Variants in EHMT1 observed in about 807,000 individuals in gnomAD.
The protein encoded by EHMT1 is euchromatic histone lysine methyltransferase 1.
A neutral mutation model predicts 147.2 loss-of-function variants in EHMT1; 15 were observed. The ratio of observed to expected loss-of-function variants is 0.10; its 90% CI spans 0.07 to 0.16. The LOEUF (loss-of-function observed/expected upper bound fraction) is 0.16, where lower values mean the gene tolerates loss of function less well. EHMT1 is among the 10% of genes least tolerant of loss of function. The pLI is 1.00. For synonymous variants in EHMT1, 795 were observed against 709.6 expected (o/e 1.12, Z -1.91); for missense variants, 1,587 against 1,772.4 (o/e 0.90, Z 1.88).
At chr9:137,656,177 A>C (rs1938424068) in intron 1 of EHMT1, among the ~76,000 whole-genome samples, 1 of 152,124 alleles carries the variant, frequency 6.6e-6, no homozygotes, top group African/African-American at 2.4e-5. Context: ...GTCAGGAGTT[A>C]GAGACCAGCC....
chr9:137,704,779 C>T (rs1382163106), intron 1 of EHMT1, among the ~76,000 whole-genome samples: 1 of 150,186 alleles, frequency 6.7e-6, no homozygotes, highest in African/African-American at 2.5e-5. Flanking sequence ...TTCCCTCCCT[C>T]CCGCCTGCCT....
At chr9:137,682,735 C>T (rs974519740) in intron 1 of EHMT1, among the ~76,000 whole-genome samples, 2 of 152,208 alleles carry the variant, frequency 1.3e-5, no homozygotes, top group Non-Finnish European at 1.5e-5. Flanking sequence ...CATATCCAAC[C>T]CCCTGAGGAT....
intron 3 of EHMT1, among the ~76,000 whole-genome samples, chr9:137,722,386 C>T (rs1205016484): frequency 6.6e-6 from 1 of 152,240 alleles, no homozygotes; most frequent in Non-Finnish European, 1.5e-5. Context: ...TGAACATTCA[C>T]AGGCTGGTCT....
At chr9:137,769,535 C>A (rs1178665750) in intron 10 of EHMT1, among the ~76,000 whole-genome samples, 2 of 152,116 alleles carry the variant, frequency 1.3e-5, no homozygotes, top group African/African-American at 4.8e-5. Context: ...TTCCCCACCC[C>A]CCAGCCCTTA....
In EHMT1 at chr9:137,781,161, AGACGTGTGGTGATGACGCTGG is replaced by A. The variant is rs1564748584; in HGVS notation, c.2276-1117_2276-1097del. ...ACTGAGACGTGTGGTGATGACGCTG[AGACGTGTGGTGATGACGCTGG>A]GACGTGTGGTGACGACGCTGAGACG... On this transcript the variant is annotated intron_variant, in intron 14 of 26. Coordinates refer to ENST00000460843, the MANE Select transcript of EHMT1 (RefSeq NM_024757.5). 6.7e-3 allele frequency among the ~76,000 whole-genome samples: 327 copies of A among 48,656 alleles called. 63 individuals carry two copies. Among genetic ancestry groups the A allele is most frequent in the South Asian group, 0.016 (22 of 1,380 alleles). The allele number at this position is 48,656 out of a possible 152,430, so 31.9% of individuals were successfully genotyped here. A position where few individuals can be genotyped will look rare whatever the true frequency, so the allele number is the denominator to read the frequency against.
At chr9:137,781,032 CGT>C (rs1951431249) in intron 14 of EHMT1, among the ~76,000 whole-genome samples, 1 of 130,204 alleles carries the variant, frequency 7.7e-6, no homozygotes, top group African/African-American at 3.2e-5. Flanking sequence ...GACGCCGAGA[CGT>C]GTGGTGATGA....
At chr9:137,716,576 C>T (rs771643044) in intron 2 of EHMT1, 50 bp from the exon 3 acceptor site, 1 of 1,506,436 alleles carries the variant, frequency 6.6e-7, no homozygotes, top group South Asian at 1.3e-5. Context: ...GGTGGTGGTG[C>T]CATGGAGAGC....
At chr9:137,651,333 TC>T (rs1937791985) in intron 1 of EHMT1, among the ~76,000 whole-genome samples, 1 of 152,242 alleles carries the variant, frequency 6.6e-6, no homozygotes, top group Admixed American at 6.5e-5. Context: ...CTTTTGAAAT[TC>T]AAGATTATGA....
At chr9:137,804,934 G>A (rs1370449086) in intron 18 of EHMT1, among the ~76,000 whole-genome samples, 2 of 152,184 alleles carry the variant, frequency 1.3e-5, no homozygotes, top group Non-Finnish European at 2.9e-5. Context: ...TCATTTGCAT[G>A]TCTGTCAGTC....
At chr9:137,814,952 G>A (rs1954802893) in intron 22 of EHMT1, 1 of 295,150 alleles carries the variant, frequency 3.4e-6, no homozygotes, top group East Asian at 8.5e-5. Flanking sequence ...TTTCTGTTGG[G>A]TGCTGGTCCT....
intron 1 of EHMT1, among the ~76,000 whole-genome samples, chr9:137,627,559 C>T (rs1843345142): frequency 1.4e-5 from 2 of 142,508 alleles, no homozygotes; most frequent in East Asian, 1.9e-4. Flanking sequence ...GCCGCTGCGC[C>T]CGTGATTTGC....
At chr9:137,621,235 T>C (rs970294946) in intron 1 of EHMT1, among the ~76,000 whole-genome samples, 3 of 152,222 alleles carry the variant, frequency 2.0e-5, no homozygotes, top group Non-Finnish European at 4.4e-5. Flanking sequence ...TCTGGCCTTC[T>C]GGACAGTAGG....
At chr9:137,637,603 T>G (rs1009624064) in intron 1 of EHMT1, 1 of 152,288 alleles carries the variant, frequency 6.6e-6, no homozygotes, top group African/African-American at 2.4e-5. Context: ...TACTTCAGCC[T>G]CCTGAGTAGC....
chr9:137,787,848 G>A lies in EHMT1; in HGVS notation c.2383-3000G>A. 1 of 1,059,114 alleles carries A rather than the reference G, an allele frequency of 9.4e-7. No homozygotes were observed. The highest frequency in any genetic ancestry group is 1.7e-5 in the Admixed American group (1 of 59,002). 65.6% of individuals were successfully genotyped at this position (1,059,114 alleles called of 1,614,324 possible). A position where few individuals can be genotyped will look rare whatever the true frequency, so the allele number is the denominator to read the frequency against. ...CCAGTAGGCAGAGCTGGTTGACGGT[G>A]GACATTGGGGATAGGAGGTGGGTGG... On this transcript the variant is annotated intron_variant, in intron 15 of 26. Coordinates refer to ENST00000460843, the MANE Select transcript of EHMT1 (RefSeq NM_024757.5). This position sits in a 1 kb window ranked among gnomAD's most constrained non-coding sequence, Gnocchi z 4.2.
Position 137,743,988 on chromosome 9 carries a change from C to T in EHMT1, c.1068C>T (p.Leu356=), listed in dbSNP as rs928150931. 1.5e-5 allele frequency: 24 copies of T among 1,613,886 alleles called. No homozygotes were observed. The highest frequency in any genetic ancestry group is 5.3e-5 in the African/African-American group (4 of 74,920). The change falls in exon 6 of 27, where the codon CTC becomes CTT. Residue 356 remains leucine, a synonymous_variant. Transcript: ENST00000460843. ...MDSDEDDSEE[L]EEDDGHGAEQ... is the part of the protein sequence containing the mutation. Reference sequence around the variant, plus strand: ...CGGATGAGGACGACTCAGAGGAGCTCGAGGAGGACGACGGCCATGGTGCAG... The same window carrying T: ...CGGATGAGGACGACTCAGAGGAGCTTGAGGAGGACGACGGCCATGGTGCAG...
intron 1 of EHMT1, among the ~76,000 whole-genome samples, chr9:137,663,840 T>A (rs185257231): frequency 9.2e-5 from 14 of 152,318 alleles, no homozygotes; most frequent in African/African-American, 3.4e-4. Context: ...GTGGAATGCA[T>A]GTCCTTGTTC....
At chr9:137,742,589 G>C (rs186371956) in intron 4 of EHMT1, among the ~76,000 whole-genome samples, 1 of 152,114 alleles carries the variant, frequency 6.6e-6, no homozygotes, top group Admixed American at 6.5e-5. Flanking sequence ...AAAACCAGTC[G>C]AACCTAGAAC....
intron 9 of EHMT1, among the ~76,000 whole-genome samples, chr9:137,759,681 C>T (rs112629327): frequency 1.4e-4 from 22 of 152,340 alleles, no homozygotes; most frequent in African/African-American, 5.3e-4. Flanking sequence ...GGTCAGTCAG[C>T]GATTGGCCTG....
chr9:137,821,778 A>T (rs1459797458), intron 25 of EHMT1, among the ~76,000 whole-genome samples: 1 of 152,096 alleles, frequency 6.6e-6, no homozygotes, highest in Non-Finnish European at 1.5e-5. Context: ...GGCATTTACT[A>T]CCTTGTTTAC....
Sources: gnomAD v4.1 joint callset for allele counts (sites outside exome capture counted in the v4.1 genomes callset) on GRCh38, gnomAD v4.1.1 for gene constraint, Gnocchi (gnomAD v3.1) non-coding constraint, MANE v1.5 for transcripts, NCBI Gene and HGNC (gene_info 2026-07-23, HGNC 2026-07-21) for gene names.